LONP2: variants seen among roughly 807,000 people sequenced by gnomAD.
LONP2 encodes the protein lon protease homolog 2, peroxisomal.
LONP2 carries 60 observed loss-of-function variants against 85.6 expected under a neutral mutation model. The ratio of observed to expected loss-of-function variants is 0.70; its 90% CI spans 0.57 to 0.87. The LOEUF (loss-of-function observed/expected upper bound fraction) is 0.87, where lower values mean the gene tolerates loss of function less well. LONP2 is among the 40% of genes least tolerant of loss of function. The pLI is 0.00. For missense variants in LONP2, 860 were observed against 1,063.5 expected (o/e 0.81, Z 2.66); for synonymous variants, 395 against 389.7 (o/e 1.01, Z -0.16).
chr16:48,295,937 A>C, intron 8 of LONP2, 78 bp from the exon 9 acceptor site: 1 of 1,355,592 alleles, frequency 7.4e-7, no homozygotes, highest in Non-Finnish European at 1.0e-6. Flanking sequence ...TTGCCAGTAC[A>C]TCATGTGTGT....
At chr16:48,281,874 A>G (rs1312367677) in intron 8 of LONP2, among the ~76,000 whole-genome samples, 3 of 152,202 alleles carry the variant, frequency 2.0e-5, no homozygotes, top group Admixed American at 1.3e-4. Flanking sequence ...CTATACAATT[A>G]TTGTCAAAGA....
At chr16:48,246,314 G>C (rs1343839106) in intron 1 of LONP2, among the ~76,000 whole-genome samples, 1 of 152,152 alleles carries the variant, frequency 6.6e-6, no homozygotes, top group Non-Finnish European at 1.5e-5. Flanking sequence ...AATTGTATTG[G>C]ATTCTAGTTT....
At chr16:48,268,575 A>G (rs1276006865) in intron 6 of LONP2, among the ~76,000 whole-genome samples, 1 of 152,226 alleles carries the variant, frequency 6.6e-6, no homozygotes, top group Non-Finnish European at 1.5e-5. Context: ...ACAGCTATAT[A>G]AAAAGATTTG....
At chr16:48,275,082 T>C (rs933374006) in intron 7 of LONP2, among the ~76,000 whole-genome samples, 3 of 152,170 alleles carry the variant, frequency 2.0e-5, no homozygotes, top group Non-Finnish European at 4.4e-5. Flanking sequence ...TTGTGCTTTT[T>C]CCAGGAAACC....
In LONP2 at chr16:48,353,675, G is replaced by C. The variant is rs1203073547; in HGVS notation, c.*1873G>C. On this transcript the variant is annotated 3_prime_UTR_variant, in exon 15 of 15. Transcript: ENST00000285737. ...TATGCCATTGACTATCTTAACTACTGTAATTTTATCATTTCCAACGTCATC... is the reference window on the plus strand; with the variant it reads ...TATGCCATTGACTATCTTAACTACTCTAATTTTATCATTTCCAACGTCATC... 2.0e-5 allele frequency: 3 copies of C among 152,112 alleles called. No individual in the cohort carries two copies. The highest frequency in any genetic ancestry group is 7.2e-5 in the African/African-American group (3 of 41,416). The allele number at this position is 152,112 out of a possible 1,614,324, so 9.4% of individuals were successfully genotyped here.
downstream of LONP2, among the ~76,000 whole-genome samples, chr16:48,357,798 A>G (rs1298641457): frequency 6.6e-6 from 1 of 152,190 alleles, no homozygotes; most frequent in Non-Finnish European, 1.5e-5. Flanking sequence ...CCACTTACAT[A>G]CGTTTGAAGT....
intron 9 of LONP2, among the ~76,000 whole-genome samples, chr16:48,298,626 G>GGGGTGTGTGTGTGTGT (rs565121093): frequency 5.5e-4 from 74 of 134,396 alleles, no homozygotes; most frequent in African/African-American, 1.8e-3. Context: ...ATTTAATTGA[G>GGGGTGTGTGTGTGTGT]GTGTGTGTGT....
intron 14 of LONP2, among the ~76,000 whole-genome samples, chr16:48,348,785 C>T (rs1318388500): frequency 6.6e-6 from 1 of 152,188 alleles, no homozygotes; most frequent in African/African-American, 2.4e-5. Flanking sequence ...TGAGCCACCA[C>T]ATTCAGCCCA....
At chr16:48,322,592 A>G (rs910021813) in intron 11 of LONP2, among the ~76,000 whole-genome samples, 3 of 152,178 alleles carry the variant, frequency 2.0e-5, no homozygotes, top group African/African-American at 7.2e-5. Flanking sequence ...AGCATAGTAT[A>G]GTCCAGGCAC....
chr16:48,261,562 A>G lies in LONP2; in HGVS notation c.862A>G (p.Lys288Glu). 1 of 1,598,272 alleles carries G rather than the reference A, an allele frequency of 6.3e-7. No homozygotes were observed. The highest frequency in any genetic ancestry group is 8.5e-7 in the Non-Finnish European group (1 of 1,173,274). ...ATCTAGTATGCCAGAGCAGGCCCAT[A>G]AAGTCTGTGTCAAAGAGATAAAGAG... ...RTSSMPEQAH[K>E]VCVKEIKRLK... Residue 288 changes from lysine (K) to glutamate (E), a missense_variant, in exon 5 of 15, where the codon AAA becomes GAA. Physicochemically the swap from Lys to Glu is moderately conservative, Grantham distance 56. This residue lies in a region of LONP2 where 743 missense variants were observed against 917.3 expected (regional missense o/e 0.81). Coordinates refer to ENST00000285737, the MANE Select transcript of LONP2 (RefSeq NM_031490.5).
intron 1 of LONP2, among the ~76,000 whole-genome samples, chr16:48,246,955 G>T (rs1971420873): frequency 6.6e-6 from 1 of 152,060 alleles, no homozygotes; most frequent in Non-Finnish European, 1.5e-5. Flanking sequence ...TAATAATCAG[G>T]TACTGTGTGA....
chr16:48,301,528 G>A (rs1364500588), intron 10 of LONP2, among the ~76,000 whole-genome samples: 3 of 151,906 alleles, frequency 2.0e-5, no homozygotes, highest in Admixed American at 1.3e-4. Context: ...CCAGCTACTC[G>A]GGAGGCTGAG....
intron 11 of LONP2, among the ~76,000 whole-genome samples, chr16:48,306,500 G>A (rs1375879072): frequency 6.6e-6 from 1 of 152,128 alleles, no homozygotes; most frequent in Non-Finnish European, 1.5e-5. Context: ...ATATAGTTAA[G>A]CAGATTTGCT....
intron 8 of LONP2, among the ~76,000 whole-genome samples, chr16:48,280,565 G>A (rs1250804696): frequency 1.3e-5 from 2 of 151,928 alleles, no homozygotes; most frequent in Non-Finnish European, 2.9e-5. Context: ...TTTGGCAGTC[G>A]ATTTATTAGC....
At chr16:48,249,159 A>G (rs74016334) in intron 1 of LONP2, among the ~76,000 whole-genome samples, 1,865 of 152,284 alleles carry the variant, frequency 0.012, 39 homozygotes, top group African/African-American at 0.042. Context: ...TTGGATTAAA[A>G]CATTATCTTA....
At chr16:48,303,739 C>G (rs1345385843) in intron 11 of LONP2, among the ~76,000 whole-genome samples, 2 of 152,196 alleles carry the variant, frequency 1.3e-5, no homozygotes. Flanking sequence ...AGCCTTCAGT[C>G]TGTGGCCGAA....
chr16:48,284,669 A>C (rs1374205769), intron 8 of LONP2, among the ~76,000 whole-genome samples: 1 of 152,200 alleles, frequency 6.6e-6, no homozygotes, highest in African/African-American at 2.4e-5. Flanking sequence ...TATTGTGTAA[A>C]CATAACTTTT....
At chr16:48,345,339 AGAGTT>A (rs1462449342) in intron 12 of LONP2, 1 of 152,286 alleles carries the variant, frequency 6.6e-6, no homozygotes, top group Non-Finnish European at 1.5e-5. Context: ...TATTCTTGGT[AGAGTT>A]AACAAAATTG....
intron 12 of LONP2, chr16:48,345,410 C>T (rs1181635403): frequency 6.6e-6 from 1 of 152,128 alleles, no homozygotes; most frequent in Non-Finnish European, 1.5e-5. Context: ...TAGAAAGGAG[C>T]CTGAATGAAG....
Sources: allele counts gnomAD v4.1 joint callset (sites outside exome capture counted in the v4.1 genomes callset), GRCh38; gene constraint gnomAD v4.1.1; regional missense constraint gnomAD v4.1.1; transcripts MANE v1.5; gene names NCBI Gene and HGNC (gene_info 2026-07-23, HGNC 2026-07-21).